The following FBXL7 variants were observed in gnomAD, a reference collection of about 807,000 sequenced individuals.
The protein encoded by FBXL7 is F-box/LRR-repeat protein 7.
FBXL7 carries 12 observed loss-of-function variants against 38.3 expected under a neutral mutation model. That is an observed-to-expected ratio of 0.31 (90% CI 0.20 to 0.51). The LOEUF is 0.51. Among genes scored for constraint, FBXL7 ranks in the 20% least tolerant of loss-of-function variants. The pLI is 0.98. For synonymous variants in FBXL7, 297 were observed against 300.9 expected (o/e 0.99, Z 0.13); for missense variants, 567 against 676.4 (o/e 0.84, Z 1.79).
At chr5:15,739,698 T>G (rs4312881) in intron 2 of FBXL7, among the ~76,000 whole-genome samples, 97,082 of 152,020 alleles carry the variant, frequency 0.64, 31,571 homozygotes, top group East Asian at 0.72. Context: ...TGTTGCAGCA[T>G]GTATCAATAC....
chr5:15,881,686 A>G (rs1740459323), intron 2 of FBXL7, among the ~76,000 whole-genome samples: 1 of 152,026 alleles, frequency 6.6e-6, no homozygotes, highest in South Asian at 2.1e-4. Context: ...ACCAAAACAT[A>G]CTTTCCCTAC....
intron 1 of FBXL7, chr5:15,580,886 C>A: frequency 1.1e-6 from 1 of 917,844 alleles, no homozygotes; most frequent in Non-Finnish European, 1.3e-6. Context: ...GCATGGAAGA[C>A]AGAAGGTTGG....
rs759072266 is a variant in FBXL7, at chr5:15,616,053, G to A, written c.108G>A (p.Lys36=). The change falls in exon 2 of 4, where the codon AAG becomes AAA. Residue 36 remains lysine (K), a synonymous_variant. Coordinates refer to ENST00000504595, the MANE Select transcript of FBXL7 (RefSeq NM_012304.5). ...STDHTPTKAQ[K]NVATSEDSDL... ...ATCACACGCCCACTAAAGCCCAGAA[G>A]AATGTGGCTACCAGCGAAGGTAGGC... 2 of 1,612,978 alleles carry A rather than the reference G, an allele frequency of 1.2e-6. No individual in the cohort carries two copies. Among genetic ancestry groups the A allele is most frequent in the African/African-American group, 1.3e-5 (1 of 74,886 alleles).
intron 2 of FBXL7, among the ~76,000 whole-genome samples, chr5:15,752,236 G>A (rs770979456): frequency 1.3e-5 from 2 of 152,076 alleles, no homozygotes; most frequent in Admixed American, 6.6e-5. Context: ...AAAACTGCAC[G>A]TTCTGCACAT....
chr5:15,549,686 C>G (rs918155861), intron 1 of FBXL7, among the ~76,000 whole-genome samples: 1 of 152,076 alleles, frequency 6.6e-6, no homozygotes, highest in South Asian at 2.1e-4. Context: ...CTTGTTTTCT[C>G]TCTTGTTATA....
intron 1 of FBXL7, chr5:15,606,869 T>C (rs1740043124): frequency 6.6e-6 from 1 of 152,194 alleles, no homozygotes; most frequent in Non-Finnish European, 1.5e-5. Flanking sequence ...CCTGGAGAAG[T>C]CATCTATTTA....
At chr5:15,620,296 A>C (rs1273840946) in intron 2 of FBXL7, among the ~76,000 whole-genome samples, 1 of 147,472 alleles carries the variant, frequency 6.8e-6, no homozygotes, top group African/African-American at 2.5e-5. Flanking sequence ...GCAGTGGCTC[A>C]ATCTTGGCTC....
At chr5:15,827,085 G>A (rs1369924450) in intron 2 of FBXL7, among the ~76,000 whole-genome samples, 1 of 151,842 alleles carries the variant, frequency 6.6e-6, no homozygotes, top group Admixed American at 6.6e-5. Context: ...GTTTAGTTCA[G>A]CCATCATTTC....
chr5:15,848,174 ATTG>A (rs1447499659), intron 2 of FBXL7, among the ~76,000 whole-genome samples: 3 of 152,158 alleles, frequency 2.0e-5, no homozygotes, highest in Non-Finnish European at 2.9e-5. Context: ...CAAAGTGTAC[ATTG>A]TTGTATGTAC....
rs1334505209 is a variant in FBXL7 at position 15,773,867 on chromosome 5, CA to C, written c.128-154021del. On this transcript the variant is annotated intron_variant, in intron 2 of 3. Transcript: ENST00000504595. ...GAATATATTCACTGGATGCCCCGGTCAACTTAAGCAAATGAATAGAAGAAAG... is the reference window on the plus strand; with the variant it reads ...GAATATATTCACTGGATGCCCCGGTCACTTAAGCAAATGAATAGAAGAAAG... 4.6e-5 allele frequency among the ~76,000 whole-genome samples: 7 copies of C among 152,200 alleles called. No homozygotes were observed. In the East Asian group the frequency reaches 1.4e-3, roughly 29 times the overall value.
intron 1 of FBXL7, among the ~76,000 whole-genome samples, chr5:15,540,120 T>A (rs2126405716): frequency 6.6e-6 from 1 of 152,320 alleles, no homozygotes; most frequent in East Asian, 1.9e-4. Context: ...GAAAATATCA[T>A]GCAAAAGCTC....
chr5:15,754,219 A>G (rs946497721), intron 2 of FBXL7, among the ~76,000 whole-genome samples: 1 of 152,206 alleles, frequency 6.6e-6, no homozygotes, highest in African/African-American at 2.4e-5. Context: ...GGTGACTTTT[A>G]TGCTCTGTGG....
chr5:15,541,389 C>A (rs1292879905), intron 1 of FBXL7, among the ~76,000 whole-genome samples: 6 of 136,974 alleles, frequency 4.4e-5, no homozygotes, highest in Non-Finnish European at 3.1e-5. Context: ...TATACACACA[C>A]ATATATCCAT....
chr5:15,563,913 A>AT (rs5866148), intron 1 of FBXL7, among the ~76,000 whole-genome samples: 9,516 of 152,110 alleles, frequency 0.063, 434 homozygotes, highest in African/African-American at 0.12. Context: ...TTCAAAAAAA[A>AT]ATGGGTGCTT....
At chr5:15,905,848 C>T (rs2126418423) in intron 2 of FBXL7, among the ~76,000 whole-genome samples, 1 of 152,230 alleles carries the variant, frequency 6.6e-6, no homozygotes, top group South Asian at 2.1e-4. Flanking sequence ...TCAATCTACC[C>T]TTGTGCCTCC....
chr5:15,652,354 C>A lies in FBXL7; in HGVS notation c.127+36282C>A, dbSNP rs576421080. ...TGATCTCGGCTCACTGCAATCTCTGCCTCCCGGGTTCACGCCATTCTCCTG... is the reference window on the plus strand; with the variant it reads ...TGATCTCGGCTCACTGCAATCTCTGACTCCCGGGTTCACGCCATTCTCCTG... On this transcript the variant is annotated intron_variant, in intron 2 of 3. Transcript: ENST00000504595. 7.9e-5 allele frequency among the ~76,000 whole-genome samples: 12 copies of A among 152,214 alleles called. No individual in the cohort carries two copies. The East Asian group carries it at 1.9e-3, about 25-fold the overall frequency.
At chr5:15,867,630 G>T (rs576770162) in intron 2 of FBXL7, among the ~76,000 whole-genome samples, 44 of 152,350 alleles carry the variant, frequency 2.9e-4, no homozygotes, top group African/African-American at 1.0e-3. Flanking sequence ...GGATTTTGCA[G>T]ATTGAATTAA....
intron 2 of FBXL7, among the ~76,000 whole-genome samples, chr5:15,798,143 C>T (rs919446368): frequency 6.6e-5 from 10 of 152,220 alleles, no homozygotes; most frequent in African/African-American, 2.4e-4. Flanking sequence ...TAGCAAACCA[C>T]TCAGTCTGCT....
intron 2 of FBXL7, among the ~76,000 whole-genome samples, chr5:15,661,530 T>C (rs1272161634): frequency 6.6e-6 from 1 of 152,178 alleles, no homozygotes; most frequent in African/African-American, 2.4e-5. Flanking sequence ...TATAAGTTTT[T>C]TGATAGATAT....
Sources: allele counts gnomAD v4.1 joint callset (sites outside exome capture counted in the v4.1 genomes callset), GRCh38; gene constraint gnomAD v4.1.1; transcripts MANE v1.5; gene names NCBI Gene and HGNC (gene_info 2026-07-23, HGNC 2026-07-21).